The following FMN1 variants were observed in gnomAD, a reference collection of about 807,000 sequenced individuals.
FMN1 encodes the protein formin 1.
Under a neutral mutation model 132.4 loss-of-function variants are expected in FMN1, and 110 were observed. The ratio of observed to expected loss-of-function variants is 0.83; its 90% CI spans 0.71 to 0.97. The LOEUF (loss-of-function observed/expected upper bound fraction) is 0.97, where lower values mean the gene tolerates loss of function less well. Among genes scored for constraint, FMN1 ranks in the 50% least tolerant of loss-of-function variants. FMN1 has a pLI of 0.00. For missense variants in FMN1, 1,792 were observed against 1,705.3 expected, an observed-to-expected ratio of 1.05 and a Z score of -0.90; for synonymous variants, 722 against 651.7, an observed-to-expected ratio of 1.11 and a Z score of -1.64.
chr15:33,150,886 T>C (rs1385044535), intron 4 of FMN1: 2 of 1,007,886 alleles, frequency 2.0e-6, no homozygotes, highest in East Asian at 9.1e-5. Context: ...AGGGACACTG[T>C]AGTGTGATGG....
At chr15:32,918,559 T>C (rs1332326079) in intron 10 of FMN1, among the ~76,000 whole-genome samples, 3 of 152,204 alleles carry the variant, frequency 2.0e-5, no homozygotes, top group African/African-American at 4.8e-5. Context: ...AGTCCAGGCA[T>C]GTACTATGCC....
chr15:33,166,969 A>T (rs1965133760), intron 3 of FMN1, among the ~76,000 whole-genome samples: 1 of 152,190 alleles, frequency 6.6e-6, no homozygotes, highest in South Asian at 2.1e-4. Context: ...TTCTTAGTAG[A>T]CTAATCAAGG....
intron 6 of FMN1, among the ~76,000 whole-genome samples, chr15:33,029,361 T>G (rs1173904724): frequency 6.6e-6 from 1 of 152,068 alleles, no homozygotes; most frequent in Non-Finnish European, 1.5e-5. Flanking sequence ...GGCTTTTAAA[T>G]GAGGTCAAAT....
In FMN1 at chr15:32,855,594, G is replaced by A. The variant is rs554019760; in HGVS notation, c.3928+1421C>T. 2.6e-5 allele frequency among the ~76,000 whole-genome samples: 4 copies of A among 152,248 alleles called. No individual in the cohort carries two copies. The South Asian group carries it at 8.3e-4, about 32-fold the overall frequency. ...AATATAAGCTGGCTGCTTTGCAGAC[G>A]CAGGATTCTAAGAGCATTACAGCAT... On this transcript the variant is annotated intron_variant, in intron 17 of 20. Coordinates refer to ENST00000616417, the MANE Select transcript of FMN1 (RefSeq NM_001277313.2).
Position 33,018,936 on chromosome 15 carries a change from T to C in FMN1, c.2162-10861A>G, listed in dbSNP as rs1044570764. Among the ~76,000 whole-genome samples, 4 of 152,052 alleles carry C rather than the reference T, an allele frequency of 2.6e-5. 1 individual carries two copies. Among genetic ancestry groups the C allele is most frequent in the Non-Finnish European group, 5.9e-5 (4 of 68,018 alleles). On this transcript the variant is annotated intron_variant, in intron 6 of 20. Transcript: ENST00000616417. The stretch of plus-strand genomic sequence containing the variant: ...GGAGTGAAGCTGCAGACCTTCCTGG[T>C]GAGTGTTACAGCTCATAAAGACAAT...
intron 16 of FMN1, among the ~76,000 whole-genome samples, chr15:32,885,569 G>T (rs2059877661): frequency 1.3e-5 from 2 of 152,104 alleles, no homozygotes; most frequent in African/African-American, 4.8e-5. Flanking sequence ...GCCTCACAAG[G>T]TCACTGCAGA....
intron 17 of FMN1, among the ~76,000 whole-genome samples, chr15:32,816,948 A>T (rs1222681634): frequency 6.6e-6 from 1 of 152,240 alleles, no homozygotes; most frequent in African/African-American, 2.4e-5. Context: ...TAAAGAGTAA[A>T]ATTCAGATAA....
At chr15:32,873,365 T>C (rs2059561258) in intron 16 of FMN1, among the ~76,000 whole-genome samples, 1 of 152,242 alleles carries the variant, frequency 6.6e-6, no homozygotes, top group South Asian at 2.1e-4. Context: ...ATAGTCTCGC[T>C]TGCTGGACGC....
At chr15:33,125,369 CT>C (rs1962955530) in intron 4 of FMN1, among the ~76,000 whole-genome samples, 3 of 152,110 alleles carry the variant, frequency 2.0e-5, no homozygotes, top group Non-Finnish European at 4.4e-5. Flanking sequence ...AAAATTCAGT[CT>C]TGAAGGTTAG....
At chr15:33,069,038 A>G (rs150006585) in intron 5 of FMN1, among the ~76,000 whole-genome samples, 241 of 152,336 alleles carry the variant, frequency 1.6e-3, no homozygotes, top group African/African-American at 5.4e-3. Flanking sequence ...GCCCTATTAG[A>G]CAAAACAATT....
chr15:32,861,473 GCTGTGGCTTGTTTTT>G (rs1331136711), intron 16 of FMN1, among the ~76,000 whole-genome samples: 1 of 152,204 alleles, frequency 6.6e-6, no homozygotes, highest in Non-Finnish European at 1.5e-5. Flanking sequence ...ACTCAGGTGG[GCTGTGGCTTGTTTTT>G]CTCATCTGCA....
chr15:33,178,845 T>C (rs1965603271), intron 3 of FMN1, among the ~76,000 whole-genome samples: 1 of 152,220 alleles, frequency 6.6e-6, no homozygotes, highest in Non-Finnish European at 1.5e-5. Context: ...AATGAACCTT[T>C]TGCAATGTAT....
In FMN1 at chr15:32,921,445, T is replaced by C. The variant is rs763731355; in HGVS notation, c.3226+4729A>G. On this transcript the variant is annotated intron_variant, in intron 10 of 20. Transcript: ENST00000616417. The stretch of plus-strand genomic sequence containing the variant: ...TGTTTTGGCCAAGCATGGAAAACAT[T>C]AGAGGCCAGTCTTCCATGAACAGTG... 4.8e-4 allele frequency among the ~76,000 whole-genome samples: 73 copies of C among 152,128 alleles called. 1 individual carries two copies. The highest frequency in any genetic ancestry group is 8.8e-4 in the Non-Finnish European group (60 of 68,014).
chr15:32,792,350 C>G (rs142988281), intron 19 of FMN1, among the ~76,000 whole-genome samples: 3 of 150,908 alleles, frequency 2.0e-5, no homozygotes, highest in Non-Finnish European at 4.4e-5. Flanking sequence ...GAGGCTGAGG[C>G]AGGAGAATGG....
At chr15:32,883,813 T>C (rs1385294963) in intron 16 of FMN1, among the ~76,000 whole-genome samples, 1 of 152,184 alleles carries the variant, frequency 6.6e-6, no homozygotes, top group Non-Finnish European at 1.5e-5. Context: ...AATGCTGTTT[T>C]AAACAGCATT....
At chr15:32,851,609 C>T in intron 17 of FMN1, among the ~76,000 whole-genome samples, 1 of 152,158 alleles carries the variant, frequency 6.6e-6, no homozygotes, top group Non-Finnish European at 1.5e-5. Flanking sequence ...ATGGAGTTTG[C>T]AACCCCGCCA....
chr15:32,966,104 G>A (rs910037433), intron 8 of FMN1, among the ~76,000 whole-genome samples: 1 of 152,098 alleles, frequency 6.6e-6, no homozygotes, highest in African/African-American at 2.4e-5. Flanking sequence ...AAGGGGTGAC[G>A]TCTAGAGTGA....
chr15:32,993,914 G>GGGGT (rs2033601153), intron 7 of FMN1, among the ~76,000 whole-genome samples: 1 of 149,860 alleles, frequency 6.7e-6, no homozygotes, highest in Non-Finnish European at 1.5e-5. Context: ...GGGCGGGGTG[G>GGGGT]GGGGGGTCTT....
chr15:33,019,616 C>A (rs1405168593), intron 6 of FMN1, among the ~76,000 whole-genome samples: 4 of 152,304 alleles, frequency 2.6e-5, no homozygotes, highest in Non-Finnish European at 5.9e-5. Context: ...GGTCCCGAGC[C>A]CTGCCCTGCA....
Sources: allele counts gnomAD v4.1 joint callset (sites outside exome capture counted in the v4.1 genomes callset), GRCh38; gene constraint gnomAD v4.1.1; transcripts MANE v1.5; gene names NCBI Gene and HGNC (gene_info 2026-07-23, HGNC 2026-07-21).